Variants in SMS observed in about 807,000 individuals in gnomAD.
SMS encodes spermidine aminopropyltransferase.
A neutral mutation model predicts 33.0 loss-of-function variants in SMS; 3 were observed. That is an observed-to-expected ratio of 0.09 (90% CI 0.04 to 0.23). The LOEUF (loss-of-function observed/expected upper bound fraction) is 0.23, where lower values mean the gene tolerates loss of function less well. SMS is among the 10% of genes least tolerant of loss of function. SMS has a pLI of 1.00. For synonymous variants in SMS, 103 were observed against 112.2 expected (o/e 0.92, Z 0.52); for missense variants, 117 against 288.6 (o/e 0.41, Z 4.31).
chrX:21,985,973 A>G (rs1473134461), intron 9 of SMS, among the ~76,000 whole-genome samples: 3 of 110,979 alleles, frequency 2.7e-5, no homozygotes, highest in African/African-American at 9.8e-5. Flanking sequence ...GTGAGCTGTG[A>G]TCGTGCCACT....
Position 21,994,816 on chromosome X carries a change from A to G in SMS, c.*465A>G. 1 of 755,679 alleles carries G rather than the reference A, an allele frequency of 1.3e-6. No individual in the cohort carries two copies. Among genetic ancestry groups the G allele is most frequent in the Non-Finnish European group, 1.6e-6 (1 of 639,586 alleles). 62.3% of individuals were successfully genotyped at this position (755,679 alleles called of 1,213,427 possible). On this transcript the variant is annotated 3_prime_UTR_variant, in exon 11 of 11. Coordinates refer to ENST00000404933, the MANE Select transcript of SMS (RefSeq NM_004595.5). ...AGTTAAAAAAAAATAGGATTGCTTCAATTAAAATTACAAAAGAGACATTTT... is the reference window on the plus strand; with the variant it reads ...AGTTAAAAAAAAATAGGATTGCTTCGATTAAAATTACAAAAGAGACATTTT...
At chrX:21,961,034 CTT>C (rs773159264) in intron 1 of SMS, among the ~76,000 whole-genome samples, 442 of 41,744 alleles carry the variant, frequency 0.011, 5 homozygotes, top group African/African-American at 0.043. Context: ...ATATGCATGT[CTT>C]TTTTTTTTTT....
chrX:21,973,051 C>G (rs183983770), intron 4 of SMS, among the ~76,000 whole-genome samples: 4 of 111,191 alleles, frequency 3.6e-5, no homozygotes. Flanking sequence ...CCCCTCACAC[C>G]AAAACAAGAC....
At chrX:21,963,799 G>A (rs931841248) in intron 1 of SMS, among the ~76,000 whole-genome samples, 1 of 112,171 alleles carries the variant, frequency 8.9e-6, no homozygotes, top group African/African-American at 3.2e-5. Flanking sequence ...ATGGGGGTTC[G>A]GGTTCTGTTT....
intron 1 of SMS, chrX:21,959,942 G>T (rs2238963): frequency 2.7e-6 from 2 of 751,856 alleles, no homozygotes; most frequent in Non-Finnish European, 3.1e-6. Flanking sequence ...AGAAGGGGCC[G>T]GGTATAAGCC....
At chrX:21,942,829 CTTTTTTTTTTT>C (rs772851812) in intron 1 of SMS, among the ~76,000 whole-genome samples, 1 of 81,890 alleles carries the variant, frequency 1.2e-5, no homozygotes, top group African/African-American at 5.2e-5. Flanking sequence ...ATTTTCTTAA[CTTTTTTTTTTT>C]TTTTTTTTTT....
At chrX:21,948,963 C>G (rs1380957419) in intron 1 of SMS, among the ~76,000 whole-genome samples, 2 of 112,044 alleles carry the variant, frequency 1.8e-5, no homozygotes, top group African/African-American at 6.5e-5. Context: ...CACAAATGCT[C>G]TTTAAAACCC....
chrX:21,967,480 C>T (rs1427439441), intron 2 of SMS, among the ~76,000 whole-genome samples, 164 bp downstream of exon 2: 1 of 111,173 alleles, frequency 9.0e-6, no homozygotes, highest in Non-Finnish European at 1.9e-5. Flanking sequence ...ACATCAGAAT[C>T]TCCTGGTAGC....
rs778287934 is a variant in SMS at position 21,941,736 on chromosome X, T to C, written c.49+863T>C. 4.1e-4 allele frequency among the ~76,000 whole-genome samples: 43 copies of C among 105,826 alleles called. 1 individual carries two copies. In the South Asian group the frequency reaches 0.018, roughly 44 times the overall value. 91.9% of individuals were successfully genotyped at this position (105,826 alleles called of 115,157 possible). On this transcript the variant is annotated intron_variant, in intron 1 of 10. Transcript: ENST00000404933. ...CCCGTCTCTTCTAAAAATACAAAAA[T>C]TAGCCGGGCGTGGTGGCACGCGCCT...
intron 1 of SMS, among the ~76,000 whole-genome samples, chrX:21,964,572 C>G (rs974063407): frequency 3.6e-5 from 4 of 111,060 alleles, no homozygotes; most frequent in African/African-American, 1.3e-4. Flanking sequence ...TGCTTTTTCT[C>G]TTCTTCCTAT....
chrX:21,968,419 G>A (rs1297207472), intron 2 of SMS, among the ~76,000 whole-genome samples: 1 of 112,295 alleles, frequency 8.9e-6, no homozygotes, highest in Non-Finnish European at 1.9e-5. Flanking sequence ...GGTTCTATGT[G>A]GCCAGGACCA....
At chrX:21,956,827 A>G (rs768672422) in intron 1 of SMS, among the ~76,000 whole-genome samples, 57 of 111,728 alleles carry the variant, frequency 5.1e-4, no homozygotes, top group Middle Eastern at 4.6e-3. Flanking sequence ...GTGATCCTCC[A>G]GCCTCAGCCT....
At chrX:21,970,378 A>G (rs147479784) in intron 2 of SMS, among the ~76,000 whole-genome samples, 193 of 110,290 alleles carry the variant, frequency 1.7e-3, no homozygotes, top group Middle Eastern at 0.014. Context: ...TCATGCTAGA[A>G]CCACCCAAGT....
At chrX:21,983,982 A>G (rs1925156236) in intron 7 of SMS, among the ~76,000 whole-genome samples, 1 of 112,462 alleles carries the variant, frequency 8.9e-6, no homozygotes, top group Non-Finnish European at 1.9e-5. Context: ...TTCAGATAGT[A>G]ATAGGTATAC....
intron 4 of SMS, among the ~76,000 whole-genome samples, chrX:21,976,220 A>G (rs1322550225): frequency 9.0e-6 from 1 of 111,281 alleles, no homozygotes; most frequent in Non-Finnish European, 1.9e-5. Flanking sequence ...TGCATGCTAA[A>G]ACCACTGGTA....
At chrX:21,988,682 A>C (rs1254927688) in intron 9 of SMS, among the ~76,000 whole-genome samples, 1 of 67,575 alleles carries the variant, frequency 1.5e-5, no homozygotes, top group Non-Finnish European at 3.5e-5. Context: ...AAAAAAAAAA[A>C]AAAAAAAAAA....
At chrX:21,982,130 G>A (rs1924992290) in intron 7 of SMS, among the ~76,000 whole-genome samples, 1 of 108,981 alleles carries the variant, frequency 9.2e-6, no homozygotes, top group African/African-American at 3.3e-5. Context: ...TCAGGAGATC[G>A]AGACCATCCT....
intron 2 of SMS, among the ~76,000 whole-genome samples, chrX:21,968,284 G>A (rs1449861270): frequency 8.9e-6 from 1 of 112,241 alleles, no homozygotes; most frequent in African/African-American, 3.2e-5. Context: ...GTGTTATTAC[G>A]GTTGGGGGGA....
chrX:21,951,736 CTT>C (rs200014831), intron 1 of SMS, among the ~76,000 whole-genome samples: 2 of 91,621 alleles, frequency 2.2e-5, no homozygotes, highest in Admixed American at 1.2e-4. Context: ...GGTTTAGGGG[CTT>C]TTTTTTTTTT....
Sources: gnomAD v4.1 joint callset for allele counts (sites outside exome capture counted in the v4.1 genomes callset) on GRCh38, gnomAD v4.1.1 for gene constraint, MANE v1.5 for transcripts, NCBI Gene and HGNC (gene_info 2026-07-23, HGNC 2026-07-21) for gene names.